The following B3GLCT variants were observed in gnomAD, a reference collection of about 807,000 sequenced individuals.
The protein encoded by B3GLCT is beta-1,3-glucosyltransferase.
B3GLCT carries 65 observed loss-of-function variants against 63.4 expected under a neutral mutation model. The ratio of observed to expected loss-of-function variants is 1.03; its 90% CI spans 0.84 to 1.26. The LOEUF is 1.26. B3GLCT is among the 50% of genes most tolerant of loss of function. The probability of loss-of-function intolerance (pLI) is 0.00; values close to 1 mark genes in which losing one functional copy is unlikely to be tolerated. For synonymous variants in B3GLCT, 233 were observed against 219.2 expected (o/e 1.06, Z -0.55); for missense variants, 577 against 604.8 (o/e 0.95, Z 0.48).
chr13:31,215,452 C>T (rs907933685), intron 2 of B3GLCT, among the ~76,000 whole-genome samples: 6 of 152,094 alleles, frequency 3.9e-5, no homozygotes, highest in Non-Finnish European at 8.8e-5. Flanking sequence ...TTCACTCTGT[C>T]GCCCAGGCTG....
rs1555249042 is a variant in B3GLCT at position 31,253,618 on chromosome 13, A to AAAAAAAAACAAAC, written c.459+5655_459+5656insAAAAACAAACAAA. Among the ~76,000 whole-genome samples, 126 of 82,308 alleles carry AAAAAAAAACAAAC rather than the reference A, an allele frequency of 1.5e-3. 26 individuals carry two copies. The highest frequency in any genetic ancestry group is 1.7e-3 in the Non-Finnish European group (72 of 43,154). The allele number at this position is 82,308 out of a possible 152,430, so 54.0% of individuals were successfully genotyped here. On this transcript the variant is annotated intron_variant, in intron 6 of 14. Transcript: ENST00000343307. ...CTCAAAAAAAAAAAAAAAAAAAAAA[A>AAAAAAAAACAAAC]AAACTAGAGAAGCAAGAGCAAGCAA...
chr13:31,201,972 T>G (rs1249381807), intron 1 of B3GLCT, among the ~76,000 whole-genome samples: 1 of 152,182 alleles, frequency 6.6e-6, no homozygotes, highest in African/African-American at 2.4e-5. Flanking sequence ...GGAGGCTGTA[T>G]TCTTCGAGGT....
chr13:31,261,908 C>T lies in B3GLCT; in HGVS notation c.596+826C>T, dbSNP rs560834241. Among the ~76,000 whole-genome samples the T allele has an allele frequency of 1.8e-3, 271 of 152,310 alleles. 2 individuals are homozygous for T. The highest frequency in any genetic ancestry group is 3.2e-3 in the Non-Finnish European group (217 of 68,038). ...TTTCAAAGTTCTCTACAGTGTGATACCCTCCTTTCCAGGGTAGAATCCAAA... is the reference window on the plus strand; with the variant it reads ...TTTCAAAGTTCTCTACAGTGTGATATCCTCCTTTCCAGGGTAGAATCCAAA... On this transcript the variant is annotated intron_variant, in intron 7 of 14. Coordinates refer to ENST00000343307, the MANE Select transcript of B3GLCT (RefSeq NM_194318.4).
chr13:31,314,937 G>A (rs752648651), intron 12 of B3GLCT, among the ~76,000 whole-genome samples: 1 of 152,216 alleles, frequency 6.6e-6, no homozygotes, highest in Non-Finnish European at 1.5e-5. Flanking sequence ...AGACTCATGA[G>A]ATCTGATGGG....
chr13:31,261,144 T>A, intron 7 of B3GLCT, 62 bp downstream of exon 7: 1 of 1,561,224 alleles, frequency 6.4e-7, no homozygotes, highest in Non-Finnish European at 8.8e-7. Context: ...TTAATTTCAT[T>A]GAGTACTGTA....
chr13:31,286,730 A>G lies in B3GLCT; in HGVS notation c.975A>G (p.Gly325=). The G allele has an allele frequency of 6.2e-7, 1 of 1,611,074 alleles. No individual in the cohort carries two copies. ...GIPNTDRGHC[G]KTFAILERFL... Reference sequence around the variant, plus strand: ...TCTTGCCTTTTCTAGGTCATTGTGGAAAGACATTTGCCATTTTGGAAAGAT... The same window carrying G: ...TCTTGCCTTTTCTAGGTCATTGTGGGAAGACATTTGCCATTTTGGAAAGAT... Residue 325 remains glycine (G), a synonymous_variant, in exon 12 of 15, where the codon GGA becomes GGG. Transcript: ENST00000343307.
rs1028614350 is a variant in B3GLCT, at chr13:31,331,449, T to C, written c.*1781T>C. On this transcript the variant is annotated 3_prime_UTR_variant, in exon 15 of 15. Coordinates refer to ENST00000343307, the MANE Select transcript of B3GLCT (RefSeq NM_194318.4). The stretch of plus-strand genomic sequence containing the variant: ...TACCGGGGCACCTCCTCTGGTACTT[T>C]TAAGTGTTTTGTTAATTATATTTAC... 3.9e-5 allele frequency: 6 copies of C among 152,198 alleles called. No homozygotes were observed. The highest frequency in any genetic ancestry group is 5.9e-5 in the Non-Finnish European group (4 of 68,038). The allele number at this position is 152,198 out of a possible 1,614,324, so 9.4% of individuals were successfully genotyped here. A position where few individuals can be genotyped will look rare whatever the true frequency, so the allele number is the denominator to read the frequency against.
chr13:31,236,631 TTGGTCACAAGA>T (rs371195405), intron 4 of B3GLCT, among the ~76,000 whole-genome samples: 1 of 152,208 alleles, frequency 6.6e-6, no homozygotes, highest in African/African-American at 2.4e-5. Context: ...AAACTTTAAT[TTGGTCACAAGA>T]TCCATAGTGA....
chr13:31,220,146 T>C (rs957831488), intron 2 of B3GLCT, among the ~76,000 whole-genome samples: 6 of 152,202 alleles, frequency 3.9e-5, no homozygotes, highest in Non-Finnish European at 5.9e-5. Flanking sequence ...CAGTGGTGGG[T>C]ACTTGTGACT....
chr13:31,212,487 C>G (rs972560577), intron 1 of B3GLCT, among the ~76,000 whole-genome samples: 1 of 152,018 alleles, frequency 6.6e-6, no homozygotes, highest in East Asian at 1.9e-4. Context: ...TTTGGCCAAG[C>G]TGGTCTCAAA....
intron 10 of B3GLCT, 145 bp from the exon 11 acceptor site, chr13:31,284,503 G>T (rs1873221137): frequency 1.5e-6 from 1 of 688,440 alleles, no homozygotes; most frequent in Non-Finnish European, 2.7e-6. Context: ...GCATTTCTCA[G>T]GGTTGGAAGC....
In B3GLCT at chr13:31,332,096, A is replaced by G. The variant is rs537097631; in HGVS notation, c.*2428A>G. 2 of 152,314 alleles carry G rather than the reference A, an allele frequency of 1.3e-5. No individual in the cohort carries two copies. Among genetic ancestry groups the G allele is most frequent in the South Asian group, 4.1e-4 (2 of 4,826 alleles). The allele number at this position is 152,314 out of a possible 1,614,324, so 9.4% of individuals were successfully genotyped here. ...AGCATGCTAAATCACAAATGATGCTATGTATGGGTATGTAAATATCAGTGC... is the reference window on the plus strand; with the variant it reads ...AGCATGCTAAATCACAAATGATGCTGTGTATGGGTATGTAAATATCAGTGC... On this transcript the variant is annotated 3_prime_UTR_variant, in exon 15 of 15. Transcript: ENST00000343307.
intron 4 of B3GLCT, among the ~76,000 whole-genome samples, chr13:31,229,571 C>A (rs1009700840): frequency 1.3e-5 from 2 of 152,014 alleles, no homozygotes; most frequent in Non-Finnish European, 2.9e-5. Context: ...CATGGCAAAA[C>A]CCCATCTCTA....
intron 6 of B3GLCT, among the ~76,000 whole-genome samples, chr13:31,251,274 C>T (rs192758199): frequency 2.2e-3 from 330 of 152,292 alleles, no homozygotes; most frequent in African/African-American, 7.5e-3. Context: ...TAGCACAAAA[C>T]GGCTGAAAAT....
intron 3 of B3GLCT, among the ~76,000 whole-genome samples, chr13:31,226,678 T>C (rs1870119438): frequency 6.6e-6 from 1 of 152,112 alleles, no homozygotes; most frequent in South Asian, 2.1e-4. Flanking sequence ...CAAGCAATCC[T>C]CCCACTTCAG....
At chr13:31,309,654 T>TG (rs1289651908) in intron 12 of B3GLCT, among the ~76,000 whole-genome samples, 1 of 152,144 alleles carries the variant, frequency 6.6e-6, no homozygotes, top group Non-Finnish European at 1.5e-5. Flanking sequence ...GGGCAAGGTA[T>TG]GGGGGAAGGA....
intron 7 of B3GLCT, among the ~76,000 whole-genome samples, chr13:31,266,080 G>A (rs1872294661): frequency 6.6e-6 from 1 of 151,974 alleles, no homozygotes; most frequent in Non-Finnish European, 1.5e-5. Flanking sequence ...CTCACTGCAA[G>A]TTCCACCCCC....
chr13:31,200,107 G>GGCTGCTCGCGCCGCCGGC lies in B3GLCT; in HGVS notation c.35_52dup (p.Pro12_Ala17dup). ...AGGATGCGGCCGCCCGCCTGCTGGT[G>GGCTGCTCGCGCCGCCGGC]GCTGCTCGCGCCGCCGGCGCTGCTC... On this transcript the variant is annotated inframe_insertion, in exon 1 of 15. Transcript: ENST00000343307. 3 of 1,375,846 alleles carry GGCTGCTCGCGCCGCCGGC rather than the reference G, an allele frequency of 2.2e-6. No homozygotes were observed. The highest frequency in any genetic ancestry group is 9.5e-7 in the Non-Finnish European group (1 of 1,054,916). 85.2% of individuals were successfully genotyped at this position (1,375,846 alleles called of 1,614,324 possible). A position where few individuals can be genotyped will look rare whatever the true frequency, so the allele number is the denominator to read the frequency against.
chr13:31,231,062 T>C (rs1183807050), intron 4 of B3GLCT, among the ~76,000 whole-genome samples: 5 of 152,148 alleles, frequency 3.3e-5, no homozygotes, highest in South Asian at 2.1e-4. Flanking sequence ...TTGGAGGTTT[T>C]CTCCTACTAA....
Sources: allele counts gnomAD v4.1 joint callset (sites outside exome capture counted in the v4.1 genomes callset), GRCh38; gene constraint gnomAD v4.1.1; transcripts MANE v1.5; gene names NCBI Gene and HGNC (gene_info 2026-07-23, HGNC 2026-07-21).